The following CORO2A variants were observed in gnomAD, a reference collection of about 807,000 sequenced individuals.
CORO2A encodes the protein coronin 2A, also known as coronin-2A.
Under a neutral mutation model 62.4 loss-of-function variants are expected in CORO2A, and 47 were observed. That is an observed-to-expected ratio of 0.75 (90% CI 0.60 to 0.96). The LOEUF (loss-of-function observed/expected upper bound fraction) is 0.96. CORO2A is among the 40% of genes least tolerant of loss of function. CORO2A has a pLI of 0.00. For synonymous variants in CORO2A, 273 were observed against 268.9 expected, an observed-to-expected ratio of 1.02 and a Z score of -0.15; for missense variants, 610 against 684.1, an observed-to-expected ratio of 0.89 and a Z score of 1.21.
At chr9:98,172,812 T>G (rs1162463759) in intron 1 of CORO2A, 1 of 152,264 alleles carries the variant, frequency 6.6e-6, no homozygotes, top group Non-Finnish European at 1.5e-5. Flanking sequence ...CCAGACTGAT[T>G]GCCCTTCTCA....
At chr9:98,168,815 G>A (rs1157679300) in intron 1 of CORO2A, among the ~76,000 whole-genome samples, 1 of 152,246 alleles carries the variant, frequency 6.6e-6, no homozygotes, top group African/African-American at 2.4e-5. Flanking sequence ...CAGGGGCCAA[G>A]TGGCTCGTGA....
At position 98,157,597 on chromosome 9, in the gene CORO2A, T is replaced by C. The variant is rs371225634; in HGVS notation, c.64A>G (p.Lys22Glu). 4 of 1,613,916 alleles carry C rather than the reference T, an allele frequency of 2.5e-6. No individual in the cohort carries two copies. In the African/African-American group the frequency reaches 4.0e-5, roughly 16 times the overall value. ...GGCACGGAGTCGTAGCAGTTCTCCTTGCTGGCTGGTTTGCCAAAGACATGA... is the reference window on the plus strand; with the variant it reads ...GGCACGGAGTCGTAGCAGTTCTCCTCGCTGGCTGGTTTGCCAAAGACATGA... The part of the protein sequence containing the change: ...FRHVFGKPAS[K>E]ENCYDSVPIT... The change falls in exon 2 of 12, where the codon AAG (lysine) becomes GAG (glutamate). Residue 22 changes from lysine to glutamate, a missense_variant. Transcript: ENST00000375077.
chr9:98,135,503 G>A (rs908842465), intron 3 of CORO2A, among the ~76,000 whole-genome samples: 1 of 152,154 alleles, frequency 6.6e-6, no homozygotes, highest in Non-Finnish European at 1.5e-5. Context: ...GGGCTGGATG[G>A]GGTCATGGGC....
At position 98,159,483 on chromosome 9, in the gene CORO2A, G is replaced by A. The variant is rs115712736; in HGVS notation, c.1-1823C>T. On this transcript the variant is annotated intron_variant, in intron 1 of 11. Transcript: ENST00000375077. Reference sequence around the variant, plus strand: ...TTCTTTTCTTCTAGCTCATCTAAACGGCACCTTCCAGCTTCCCCAGCACCT... The same window carrying A: ...TTCTTTTCTTCTAGCTCATCTAAACAGCACCTTCCAGCTTCCCCAGCACCT... Among the ~76,000 whole-genome samples the A allele has an allele frequency of 3.4e-3, 519 of 151,764 alleles. 4 individuals are homozygous for A. Among genetic ancestry groups the A allele is most frequent in the African/African-American group, 0.012 (480 of 41,378 alleles).
chr9:98,130,391 C>T (rs954355695), intron 7 of CORO2A, among the ~76,000 whole-genome samples: 2 of 152,116 alleles, frequency 1.3e-5, no homozygotes, highest in Non-Finnish European at 2.9e-5. Flanking sequence ...TGGGCCTGGG[C>T]CCTTATTTTA....
intron 1 of CORO2A, among the ~76,000 whole-genome samples, chr9:98,179,861 G>C (rs57753377): frequency 3.9e-5 from 6 of 152,178 alleles, no homozygotes; most frequent in African/African-American, 1.4e-4. Context: ...AAATTAGCCA[G>C]GTGCGGTGGC....
At chr9:98,126,496 C>G in intron 11 of CORO2A, 53 bp downstream of exon 11, 1 of 1,579,794 alleles carries the variant, frequency 6.3e-7, no homozygotes, top group South Asian at 1.2e-5. Context: ...TGGATCTGTT[C>G]CCCTCCACCC....
rs146003769 is a variant in CORO2A at position 98,133,073 on chromosome 9, G to A, written c.613C>T (p.Arg205Trp). ...GTCCCTGCTCGGGGGTCAATAACCC[G>A]AATCTTGCGGTCTTTGCAGGTGGTG... The part of the protein sequence containing the change: ...LATTCKDRKI[R>W]VIDPRAGTVL... The change falls in exon 5 of 12, where the codon CGG becomes TGG. Residue 205 changes from arginine to tryptophan, a missense_variant. Transcript: ENST00000375077. The A allele has an allele frequency of 7.6e-5, 123 of 1,614,106 alleles. No homozygotes were observed. The highest frequency in any genetic ancestry group is 9.4e-5 in the Non-Finnish European group (111 of 1,180,052).
At chr9:98,170,910 A>AC (rs1465840659) in intron 1 of CORO2A, among the ~76,000 whole-genome samples, 2 of 152,162 alleles carry the variant, frequency 1.3e-5, no homozygotes, top group Non-Finnish European at 2.9e-5. Context: ...CACACACAGG[A>AC]CCACAAGGGC....
At chr9:98,158,152 A>G (rs1203859885) in intron 1 of CORO2A, among the ~76,000 whole-genome samples, 1 of 152,206 alleles carries the variant, frequency 6.6e-6, no homozygotes, top group Non-Finnish European at 1.5e-5. Flanking sequence ...AGGTAACACA[A>G]GTATCCATCT....
chr9:98,165,350 G>A (rs10491723), intron 1 of CORO2A, among the ~76,000 whole-genome samples: 65,912 of 152,002 alleles, frequency 0.43, 15,859 homozygotes, highest in East Asian at 0.68. Context: ...TTTCTTAAAG[G>A]GCCCAACATA....
intron 1 of CORO2A, among the ~76,000 whole-genome samples, chr9:98,189,497 C>T (rs917864672): frequency 2.0e-5 from 3 of 152,104 alleles, no homozygotes; most frequent in African/African-American, 4.8e-5. Context: ...TAGCTACCTG[C>T]CTCTAAGGGG....
chr9:98,125,204 CT>C (rs780510497), intron 11 of CORO2A, among the ~76,000 whole-genome samples: 3 of 152,176 alleles, frequency 2.0e-5, no homozygotes, highest in Non-Finnish European at 4.4e-5. Flanking sequence ...CACCACTGAA[CT>C]GTGTGACCTT....
chr9:98,148,514 T>C (rs1588000381), intron 2 of CORO2A, among the ~76,000 whole-genome samples: 1 of 147,784 alleles, frequency 6.8e-6, no homozygotes. Context: ...TTGGGGTGGG[T>C]GGATCACTTA....
At chr9:98,140,250 G>A (rs908100018) in intron 2 of CORO2A, among the ~76,000 whole-genome samples, 1 of 152,102 alleles carries the variant, frequency 6.6e-6, no homozygotes, top group African/African-American at 2.4e-5. Flanking sequence ...AAATATTCCC[G>A]AGGTGCCCAG....
intron 3 of CORO2A, among the ~76,000 whole-genome samples, chr9:98,136,815 G>A (rs1827491509): frequency 6.6e-6 from 1 of 152,188 alleles, no homozygotes; most frequent in Non-Finnish European, 1.5e-5. Flanking sequence ...TGGTGACAAT[G>A]ACTTTTATCT....
chr9:98,192,433 G>T (rs1828315937), intron 1 of CORO2A, 126 bp downstream of exon 1: 1 of 152,020 alleles, frequency 6.6e-6, no homozygotes, highest in Admixed American at 6.5e-5. Context: ...TGAAAGCCAG[G>T]TCCCCCGCGC....
intron 1 of CORO2A, among the ~76,000 whole-genome samples, chr9:98,168,689 C>T (rs1430493263): frequency 4.6e-5 from 7 of 152,170 alleles, no homozygotes; most frequent in African/African-American, 1.7e-4. Flanking sequence ...TTGTTGTGGT[C>T]CCAATGTGTA....
chr9:98,132,727 C>T (rs1827426104), intron 5 of CORO2A, among the ~76,000 whole-genome samples: 1 of 152,166 alleles, frequency 6.6e-6, no homozygotes, highest in African/African-American at 2.4e-5. Context: ...ACAGTGGTAT[C>T]GTCGGCTCTC....
Sources: gnomAD v4.1 joint callset for allele counts (sites outside exome capture counted in the v4.1 genomes callset) on GRCh38, gnomAD v4.1.1 for gene constraint, MANE v1.5 for transcripts, NCBI Gene and HGNC (gene_info 2026-07-23, HGNC 2026-07-21) for gene names.